Variants in ATP6V1H observed in about 807,000 individuals in gnomAD.
ATP6V1H encodes ATPase H+ transporting V1 subunit H.
ATP6V1H carries 39 observed loss-of-function variants against 71.7 expected under a neutral mutation model. That is an observed-to-expected ratio of 0.54 (90% CI 0.42 to 0.71). The LOEUF is 0.71. Among genes scored for constraint, ATP6V1H ranks in the 30% least tolerant of loss-of-function variants. ATP6V1H has a pLI of 0.00. For missense variants in ATP6V1H, 509 were observed against 594.9 expected, an observed-to-expected ratio of 0.86 and a Z score of 1.50; for synonymous variants, 192 against 199.3, an observed-to-expected ratio of 0.96 and a Z score of 0.31.
Position 53,841,620 on chromosome 8 carries a change from G to A in ATP6V1H, c.71C>T (p.Ala24Val), listed in dbSNP as rs138530171. 13 of 1,614,012 alleles carry A rather than the reference G, an allele frequency of 8.1e-6. No homozygotes were observed. The highest frequency in any genetic ancestry group is 1.1e-5 in the Non-Finnish European group (13 of 1,180,014). ...VPTNIIAAKA[A>V]EVRANKVNWQ... is the part of the protein sequence containing the mutation. ...GTTGACTTTGTTTGCACGAACTTCT[G>A]CAGCCTTGGCAGCAATAATATTGGT... Residue 24 changes from alanine (A) to valine (V), a missense_variant, in exon 2 of 14, where the codon GCA (alanine) becomes GTA (valine). Physicochemically the swap from Ala to Val is moderately conservative, Grantham distance 64. Around this residue, in one of 2 missense-constraint regions of ATP6V1H, gnomAD observed 297 missense variants for 303.3 expected, o/e 0.98. Coordinates refer to ENST00000359530, the MANE Select transcript of ATP6V1H (RefSeq NM_015941.4).
intron 12 of ATP6V1H, among the ~76,000 whole-genome samples, chr8:53,751,858 C>T (rs991192334): frequency 1.5e-4 from 23 of 151,912 alleles, no homozygotes; most frequent in African/African-American, 4.6e-4. Flanking sequence ...TTAGTAGAGA[C>T]GGGGTTTCAC....
intron 13 of ATP6V1H, among the ~76,000 whole-genome samples, chr8:53,724,080 A>G (rs1806721301): frequency 6.6e-6 from 1 of 152,230 alleles, no homozygotes; most frequent in South Asian, 2.1e-4. Context: ...TAAACATTTC[A>G]AACATTAAAA....
At chr8:53,836,800 C>T (rs1205195097) in intron 2 of ATP6V1H, among the ~76,000 whole-genome samples, 1 of 152,170 alleles carries the variant, frequency 6.6e-6, no homozygotes, top group Non-Finnish European at 1.5e-5. Flanking sequence ...TAATCATGCA[C>T]ATGTTACTTA....
intron 3 of ATP6V1H, among the ~76,000 whole-genome samples, chr8:53,831,104 A>G (rs534256422): frequency 2.0e-5 from 3 of 152,366 alleles, no homozygotes; most frequent in South Asian, 2.1e-4. Flanking sequence ...TGACAAATCA[A>G]TAAGATTATA....
chr8:53,797,663 T>C (rs564317449), intron 8 of ATP6V1H, among the ~76,000 whole-genome samples: 2 of 152,220 alleles, frequency 1.3e-5, no homozygotes, highest in East Asian at 3.9e-4. Context: ...CTGCACTCAC[T>C]ACCTTTCTGA....
intron 3 of ATP6V1H, among the ~76,000 whole-genome samples, chr8:53,831,440 C>T (rs1422990882): frequency 6.6e-6 from 1 of 152,224 alleles, no homozygotes; most frequent in Non-Finnish European, 1.5e-5. Flanking sequence ...ATTACATACA[C>T]AGTCCAACAC....
chr8:53,733,443 G>A (rs1475427905), intron 13 of ATP6V1H, among the ~76,000 whole-genome samples: 2 of 152,166 alleles, frequency 1.3e-5, no homozygotes, highest in Non-Finnish European at 1.5e-5. Flanking sequence ...GTGTGTCGAC[G>A]ACCTCCTGCT....
chr8:53,722,527 C>A (rs1027539136), intron 13 of ATP6V1H, among the ~76,000 whole-genome samples: 3 of 152,098 alleles, frequency 2.0e-5, no homozygotes, highest in Non-Finnish European at 4.4e-5. Context: ...GCAAAGTCCA[C>A]ATTTAAGACT....
intron 12 of ATP6V1H, among the ~76,000 whole-genome samples, chr8:53,755,431 T>C (rs1469946582): frequency 1.4e-5 from 2 of 147,114 alleles, no homozygotes; most frequent in Non-Finnish European, 3.0e-5. Flanking sequence ...CCGTCTTTAG[T>C]GTGCGTGAGT....
At chr8:53,759,931 A>G (rs1272986336) in intron 11 of ATP6V1H, among the ~76,000 whole-genome samples, 1 of 152,258 alleles carries the variant, frequency 6.6e-6, no homozygotes, top group Non-Finnish European at 1.5e-5. Context: ...ACCAGTATGC[A>G]TGATGCTTTT....
Position 53,801,784 on chromosome 8 carries a change from G to A in ATP6V1H, c.677+15C>T. 2 of 1,600,910 alleles carry A rather than the reference G, an allele frequency of 1.2e-6. No individual in the cohort carries two copies. Among genetic ancestry groups the A allele is most frequent in the Non-Finnish European group, 8.5e-7 (1 of 1,169,994 alleles). ...TTGTAAATGTTATTTTACATTAAAA[G>A]GAAAGGGCACTCACCAATTTACCCC... On this transcript the variant is annotated intron_variant, in intron 8 of 13. Coordinates refer to ENST00000359530, the MANE Select transcript of ATP6V1H (RefSeq NM_015941.4).
chr8:53,826,868 C>G (rs994545679), intron 4 of ATP6V1H, among the ~76,000 whole-genome samples: 1 of 151,654 alleles, frequency 6.6e-6, no homozygotes, highest in African/African-American at 2.4e-5. Flanking sequence ...AGGAGAATTG[C>G]TTGAACCCAG....
intron 9 of ATP6V1H, among the ~76,000 whole-genome samples, chr8:53,775,052 C>T (rs1365873946): frequency 1.3e-5 from 2 of 152,232 alleles, no homozygotes; most frequent in Non-Finnish European, 2.9e-5. Flanking sequence ...TTGAAGGCGG[C>T]GTGTCCGGAG....
At chr8:53,820,561 A>G (rs1426203092) in intron 4 of ATP6V1H, among the ~76,000 whole-genome samples, 4 of 151,758 alleles carry the variant, frequency 2.6e-5, no homozygotes, top group Non-Finnish European at 5.9e-5. Context: ...CAGCTACTCA[A>G]GATGCTGAGG....
chr8:53,788,080 G>A (rs1809439875), intron 9 of ATP6V1H, among the ~76,000 whole-genome samples: 1 of 152,102 alleles, frequency 6.6e-6, no homozygotes, highest in Non-Finnish European at 1.5e-5. Context: ...CAGTTTGATG[G>A]TATAAATCAA....
intron 13 of ATP6V1H, among the ~76,000 whole-genome samples, chr8:53,731,634 G>A (rs922175779): frequency 1.4e-5 from 2 of 147,502 alleles, no homozygotes; most frequent in Admixed American, 1.3e-4. Flanking sequence ...TCTCTCTCGG[G>A]GAGCTCGGTT....
At chr8:53,783,080 T>A (rs1478918803) in intron 9 of ATP6V1H, among the ~76,000 whole-genome samples, 3 of 152,152 alleles carry the variant, frequency 2.0e-5, no homozygotes, top group African/African-American at 7.2e-5. Flanking sequence ...GAGGATTCCC[T>A]CTTTTTCTAT....
At chr8:53,783,921 T>C (rs560815489) in intron 9 of ATP6V1H, among the ~76,000 whole-genome samples, 1 of 152,366 alleles carries the variant, frequency 6.6e-6, no homozygotes, top group South Asian at 2.1e-4. Context: ...TTGTTATAAT[T>C]TCTGTTCTCT....
At chr8:53,786,671 C>T (rs1249963458) in intron 9 of ATP6V1H, among the ~76,000 whole-genome samples, 1 of 152,172 alleles carries the variant, frequency 6.6e-6, no homozygotes, top group Non-Finnish European at 1.5e-5. Flanking sequence ...GGCTCCACTC[C>T]CTGAAATATG....
Sources: gnomAD v4.1 joint callset for allele counts (sites outside exome capture counted in the v4.1 genomes callset) on GRCh38, gnomAD v4.1.1 for gene constraint, gnomAD v4.1.1 regional missense constraint, MANE v1.5 for transcripts, NCBI Gene and HGNC (gene_info 2026-07-23, HGNC 2026-07-21) for gene names.